LUC7L3: variants seen among roughly 807,000 people sequenced by gnomAD.
LUC7L3 encodes the protein LUC7 like 3 pre-mRNA splicing factor, also known as luc7-like protein 3.
Under a neutral mutation model 66.8 loss-of-function variants are expected in LUC7L3, and 6 were observed. That is an observed-to-expected ratio of 0.09 (90% CI 0.05 to 0.18). LUC7L3 has a LOEUF of 0.18. Ranked by LOEUF, LUC7L3 falls within the 10% of genes least tolerant of loss-of-function variation. The pLI is 1.00. For synonymous variants in LUC7L3, 160 were observed against 174.7 expected (o/e 0.92, Z 0.66); for missense variants, 341 against 531.1 (o/e 0.64, Z 3.52).
At chr17:50,730,941 A>T (rs1230683075) in intron 1 of LUC7L3, among the ~76,000 whole-genome samples, 1 of 152,184 alleles carries the variant, frequency 6.6e-6, no homozygotes, top group Non-Finnish European at 1.5e-5. Context: ...CTCTGTCTCA[A>T]AAAAATAAAA....
chr17:50,728,112 G>T (rs1969323146), intron 1 of LUC7L3, among the ~76,000 whole-genome samples: 1 of 55,698 alleles, frequency 1.8e-5, no homozygotes, highest in Non-Finnish European at 3.5e-5. Flanking sequence ...AGCGAGATCT[G>T]TCTCAAAAAA....
chr17:50,748,761 G>T (rs1350207024), intron 9 of LUC7L3, among the ~76,000 whole-genome samples: 1 of 152,084 alleles, frequency 6.6e-6, no homozygotes, highest in African/African-American at 2.4e-5. Context: ...CCATGATTGG[G>T]TATGCTATGA....
intron 2 of LUC7L3, among the ~76,000 whole-genome samples, chr17:50,739,125 A>G (rs1226774647): frequency 6.6e-6 from 1 of 152,190 alleles, no homozygotes; most frequent in Non-Finnish European, 1.5e-5. Flanking sequence ...CCATAAACCG[A>G]GAAAGAGGAA....
rs899706156 is a variant in LUC7L3, at chr17:50,719,621, T to C, written c.-112T>C. The C allele has an allele frequency of 8.4e-6, 7 of 837,576 alleles. No homozygotes were observed. The highest frequency in any genetic ancestry group is 8.3e-5 in the East Asian group (3 of 36,192). The allele number at this position is 837,576 out of a possible 1,614,324, so 51.9% of individuals were successfully genotyped here. On this transcript the variant is annotated 5_prime_UTR_variant, in exon 1 of 10. Coordinates refer to ENST00000505658, the MANE Select transcript of LUC7L3 (RefSeq NM_016424.5). ...CCATTTTGTCTTGTCGGCTCCTGTG[T>C]GTAGGAGGGATTTCGGCCTGAGAGC... is the stretch of plus-strand genomic sequence containing the variant.
At chr17:50,738,937 G>A (rs1037203822) in intron 2 of LUC7L3, among the ~76,000 whole-genome samples, 1 of 152,088 alleles carries the variant, frequency 6.6e-6, no homozygotes, top group Admixed American at 6.5e-5. Context: ...TTATGAATCA[G>A]AATGGCCTAA....
In LUC7L3 at chr17:50,753,298, G is replaced by A. The variant is rs1389089751; in HGVS notation, c.*2637G>A. On this transcript the variant is annotated 3_prime_UTR_variant, in exon 10 of 10. Coordinates refer to ENST00000505658, the MANE Select transcript of LUC7L3 (RefSeq NM_016424.5). ...ATACTGCTATCAGTTTATAGGTAAA[G>A]AAACAGTGTGTTAAATGACTTATCC... 1 of 152,610 alleles carries A rather than the reference G, an allele frequency of 6.6e-6. No individual in the cohort carries two copies. The highest frequency in any genetic ancestry group is 1.5e-5 in the Non-Finnish European group (1 of 68,038). 9.5% of individuals were successfully genotyped at this position (152,610 alleles called of 1,614,324 possible).
intron 1 of LUC7L3, among the ~76,000 whole-genome samples, chr17:50,733,251 T>G (rs1004526144): frequency 4.6e-5 from 7 of 151,792 alleles, no homozygotes; most frequent in Non-Finnish European, 7.4e-5. Flanking sequence ...AAACTTTGTT[T>G]TTTTTTTTTT....
In LUC7L3 at chr17:50,739,656, A is replaced by G. The variant is rs577068319; in HGVS notation, c.167-650A>G. Among the ~76,000 whole-genome samples, 698 of 152,222 alleles carry G rather than the reference A, an allele frequency of 4.6e-3. 10 individuals are homozygous for G. The highest frequency in any genetic ancestry group is 0.016 in the African/African-American group (664 of 41,546). Reference sequence around the variant, plus strand: ...GCGACAGAGCAAGACTCTATCTCAAAAAAAACAAAACAACAACAACAACAA... The same window carrying G: ...GCGACAGAGCAAGACTCTATCTCAAGAAAAACAAAACAACAACAACAACAA... On this transcript the variant is annotated intron_variant, in intron 2 of 9. Coordinates refer to ENST00000505658, the MANE Select transcript of LUC7L3 (RefSeq NM_016424.5).
intron 1 of LUC7L3, among the ~76,000 whole-genome samples, chr17:50,734,439 T>G (rs1264805313): frequency 6.6e-6 from 1 of 152,216 alleles, no homozygotes; most frequent in Non-Finnish European, 1.5e-5. Context: ...AGTGCTGGGA[T>G]TACAGGTGTG....
rs1396526928 is a variant in LUC7L3, at chr17:50,755,648, G to A, written c.*4987G>A. On this transcript the variant is annotated 3_prime_UTR_variant, in exon 10 of 10. Transcript: ENST00000505658. Reference sequence around the variant, plus strand: ...GAATGTTTAGAAACAACAACTTTGGGAAACGGGAAACAATTTGGTATAAGT... The same window carrying A: ...GAATGTTTAGAAACAACAACTTTGGAAAACGGGAAACAATTTGGTATAAGT... The A allele has an allele frequency of 4.6e-5, 7 of 152,126 alleles. No homozygotes were observed. Among genetic ancestry groups the A allele is most frequent in the Admixed American group, 3.9e-4 (6 of 15,286 alleles). The allele number at this position is 152,126 out of a possible 1,614,324, so 9.4% of individuals were successfully genotyped here. A position where few individuals can be genotyped will look rare whatever the true frequency, so the allele number is the denominator to read the frequency against.
intron 9 of LUC7L3, chr17:50,748,512 T>TG (rs1261108529): frequency 2.0e-5 from 3 of 150,054 alleles, no homozygotes; most frequent in Non-Finnish European, 4.4e-5. Flanking sequence ...GGGGTAGAGA[T>TG]GGGGTTTTGC....
At chr17:50,740,980 A>G (rs79320057) in intron 3 of LUC7L3, 122 bp from the exon 4 acceptor site, 8 of 939,372 alleles carry the variant, frequency 8.5e-6, no homozygotes, top group South Asian at 4.4e-5. Context: ...AGTCACTTCA[A>G]ATACACCTGG....
At chr17:50,736,712 G>A in intron 1 of LUC7L3, 1 of 386,866 alleles carries the variant, frequency 2.6e-6, no homozygotes, top group Non-Finnish European at 4.6e-6. Flanking sequence ...CTACTGGGGG[G>A]TCAGCAGGTG....
chr17:50,745,365 G>T (rs971014913), intron 7 of LUC7L3, among the ~76,000 whole-genome samples: 1 of 152,148 alleles, frequency 6.6e-6, no homozygotes, highest in Admixed American at 6.6e-5. Flanking sequence ...AGTAGCTATA[G>T]ATAAAAATAA....
chr17:50,723,480 G>A (rs550579259), intron 1 of LUC7L3: 1 of 152,510 alleles, frequency 6.6e-6, no homozygotes, highest in African/African-American at 2.4e-5. Context: ...CTTTAAAAAT[G>A]TTCAGAATTT....
intron 1 of LUC7L3, among the ~76,000 whole-genome samples, chr17:50,720,869 C>T (rs1178471834): frequency 2.0e-5 from 3 of 152,140 alleles, no homozygotes; most frequent in African/African-American, 7.2e-5. Flanking sequence ...CCTTTTAGGA[C>T]TTTAAGAAAG....
At chr17:50,730,115 A>G (rs1391090526) in intron 1 of LUC7L3, among the ~76,000 whole-genome samples, 1 of 151,166 alleles carries the variant, frequency 6.6e-6, no homozygotes, top group Non-Finnish European at 1.5e-5. Context: ...AGCTGGGACT[A>G]TAGGCCCGCA....
At chr17:50,744,875 G>T in intron 7 of LUC7L3, 62 bp downstream of exon 7, 1 of 1,400,502 alleles carries the variant, frequency 7.1e-7, no homozygotes, top group Non-Finnish European at 9.8e-7. Context: ...GCAGTGACGC[G>T]ATCTCAGCTC....
Position 50,752,418 on chromosome 17 carries a change from G to T in LUC7L3, c.*1757G>T. On this transcript the variant is annotated 3_prime_UTR_variant, in exon 10 of 10. Coordinates refer to ENST00000505658, the MANE Select transcript of LUC7L3 (RefSeq NM_016424.5). ...TAGTATATATGCCACTGAAAACTTA[G>T]GTCCTGTATCATACTTTTTTCTTTA... 9.2e-6 allele frequency: 2 copies of T among 218,406 alleles called. No homozygotes were observed. The highest frequency in any genetic ancestry group is 1.8e-5 in the Non-Finnish European group (2 of 113,030). 13.5% of individuals were successfully genotyped at this position (218,406 alleles called of 1,614,324 possible). A position where few individuals can be genotyped will look rare whatever the true frequency, so the allele number is the denominator to read the frequency against.
Sources: allele counts gnomAD v4.1 joint callset (sites outside exome capture counted in the v4.1 genomes callset), GRCh38; gene constraint gnomAD v4.1.1; transcripts MANE v1.5; gene names NCBI Gene and HGNC (gene_info 2026-07-23, HGNC 2026-07-21).